SDK1: variants seen among roughly 807,000 people sequenced by gnomAD.
SDK1 encodes the protein sidekick cell adhesion molecule 1.
In SDK1, 157 loss-of-function variants were observed where a neutral mutation model predicts 245.5. That is an observed-to-expected ratio of 0.64 (90% CI 0.56 to 0.73). The LOEUF is 0.73. SDK1 is among the 30% of genes least tolerant of loss of function. The pLI is 0.00. For missense variants in SDK1, 3,583 were observed against 3,002.3 expected (o/e 1.19, Z -4.52); for synonymous variants, 1,647 against 1,278.5 (o/e 1.29, Z -6.15).
chr7:3,385,761 G>A (rs749288216), intron 1 of SDK1, among the ~76,000 whole-genome samples: 14 of 152,130 alleles, frequency 9.2e-5, no homozygotes, highest in Non-Finnish European at 1.8e-4. Flanking sequence ...AGGTGAGATG[G>A]AGATCATATT....
chr7:3,850,632 A>G (rs1350590422), intron 5 of SDK1, among the ~76,000 whole-genome samples: 1 of 152,238 alleles, frequency 6.6e-6, no homozygotes, highest in Non-Finnish European at 1.5e-5. Context: ...GATAGACTGC[A>G]TTAAGAAAAT....
intron 16 of SDK1, 36 bp from the exon 17 acceptor site, chr7:4,017,135 A>T (rs1458046507): frequency 1.3e-6 from 2 of 1,569,570 alleles, no homozygotes; most frequent in Admixed American, 1.8e-5. Flanking sequence ...GGGTCCAGTT[A>T]TTTCCTTATC....
intron 30 of SDK1, among the ~76,000 whole-genome samples, chr7:4,149,878 G>A (rs1176189711): frequency 2.0e-5 from 3 of 152,150 alleles, no homozygotes; most frequent in Non-Finnish European, 2.9e-5. Context: ...GTCCCCTTGC[G>A]TTCTCGAAAG....
At chr7:3,347,621 C>T (rs534179990) in intron 1 of SDK1, among the ~76,000 whole-genome samples, 1 of 152,278 alleles carries the variant, frequency 6.6e-6, no homozygotes, top group East Asian at 1.9e-4. Context: ...CAATATTTCC[C>T]TGTGGCATGG....
At chr7:4,092,873 A>G (rs1270911520) in intron 22 of SDK1, among the ~76,000 whole-genome samples, 11 of 152,148 alleles carry the variant, frequency 7.2e-5, no homozygotes, top group African/African-American at 1.9e-4. Context: ...GGCAGGGACG[A>G]AAGCTCCCAC....
intron 13 of SDK1, chr7:3,974,765 G>A (rs919172044): frequency 2.0e-6 from 1 of 490,884 alleles, no homozygotes; most frequent in Non-Finnish European, 3.6e-6. Context: ...TGTAGATGGT[G>A]TGATCATTGG....
intron 20 of SDK1, among the ~76,000 whole-genome samples, chr7:4,072,609 G>C (rs1780323321): frequency 6.6e-6 from 1 of 152,228 alleles, no homozygotes; most frequent in Non-Finnish European, 1.5e-5. Flanking sequence ...TCATTGAGAA[G>C]AGCAAAAGAA....
chr7:3,442,388 A>G (rs895085633), intron 1 of SDK1, among the ~76,000 whole-genome samples: 2 of 152,230 alleles, frequency 1.3e-5, no homozygotes, highest in African/African-American at 4.8e-5. Flanking sequence ...AGTTACATAA[A>G]GACCACAAAT....
chr7:3,922,706 A>C (rs1337861828), intron 5 of SDK1, among the ~76,000 whole-genome samples: 1 of 152,170 alleles, frequency 6.6e-6, no homozygotes, highest in Non-Finnish European at 1.5e-5. Flanking sequence ...TTGCTTACAA[A>C]GCGTGCACGT....
At chr7:3,653,447 G>T (rs954271346) in intron 4 of SDK1, among the ~76,000 whole-genome samples, 7 of 152,072 alleles carry the variant, frequency 4.6e-5, no homozygotes, top group African/African-American at 1.4e-4. Context: ...TGCATGGAGG[G>T]GCAGATCAGT....
At chr7:4,033,781 A>G (rs1788014801) in intron 17 of SDK1, among the ~76,000 whole-genome samples, 1 of 152,214 alleles carries the variant, frequency 6.6e-6, no homozygotes, top group Non-Finnish European at 1.5e-5. Flanking sequence ...TAAAAATGCA[A>G]AAGTCTGACA....
rs12333365 is a variant in SDK1 at position 3,776,067 on chromosome 7, C to T, written c.714-45383C>T. Among the ~76,000 whole-genome samples, 855 of 152,314 alleles carry T rather than the reference C, an allele frequency of 5.6e-3. 9 individuals carry two copies. Among genetic ancestry groups the T allele is most frequent in the African/African-American group, 0.02 (818 of 41,572 alleles). On this transcript the variant is annotated intron_variant, in intron 4 of 44. Coordinates refer to ENST00000404826, the MANE Select transcript of SDK1 (RefSeq NM_152744.4). Reference sequence around the variant, plus strand: ...AGGATTCTTCATTCATCACCTACCACGCATCAAAGTGCCAGACACTGGAGT... The same window carrying T: ...AGGATTCTTCATTCATCACCTACCATGCATCAAAGTGCCAGACACTGGAGT...
At chr7:3,509,086 G>A (rs556394365) in intron 1 of SDK1, among the ~76,000 whole-genome samples, 4 of 76,820 alleles carry the variant, frequency 5.2e-5, no homozygotes, top group African/African-American at 1.7e-4. Context: ...GTGTGTGTGC[G>A]TGTGTGTGTG....
At chr7:3,831,237 T>G (rs1779905361) in intron 5 of SDK1, among the ~76,000 whole-genome samples, 1 of 152,226 alleles carries the variant, frequency 6.6e-6, no homozygotes, top group African/African-American at 2.4e-5. Context: ...AATGTACTTT[T>G]CTTAGAAAAA....
At chr7:3,485,897 A>G (rs1163223282) in intron 1 of SDK1, among the ~76,000 whole-genome samples, 4 of 151,814 alleles carry the variant, frequency 2.6e-5, no homozygotes, top group Non-Finnish European at 4.4e-5. Flanking sequence ...GACAGTTTAT[A>G]TAATATTGGT....
chr7:3,798,546 C>T (rs924722994), intron 4 of SDK1, among the ~76,000 whole-genome samples: 2 of 152,072 alleles, frequency 1.3e-5, no homozygotes, highest in African/African-American at 2.4e-5. Flanking sequence ...AGTGCTGACC[C>T]GTTGCTTTTT....
At chr7:3,425,794 G>A (rs958828386) in intron 1 of SDK1, among the ~76,000 whole-genome samples, 5 of 152,192 alleles carry the variant, frequency 3.3e-5, no homozygotes, top group African/African-American at 7.2e-5. Flanking sequence ...GGAAAAGTAT[G>A]TGTAAAAAGC....
chr7:3,323,620 C>G (rs769241428), intron 1 of SDK1, among the ~76,000 whole-genome samples: 3 of 152,206 alleles, frequency 2.0e-5, no homozygotes, highest in Non-Finnish European at 4.4e-5. Flanking sequence ...ACTCCATCTT[C>G]AAACCAGCAA....
chr7:3,434,531 C>A (rs1251664449), intron 1 of SDK1, among the ~76,000 whole-genome samples: 3 of 152,134 alleles, frequency 2.0e-5, no homozygotes, highest in African/African-American at 7.2e-5. Context: ...TCATTTTAAT[C>A]CTCACAGCTC....
Sources: allele counts gnomAD v4.1 joint callset (sites outside exome capture counted in the v4.1 genomes callset), GRCh38; gene constraint gnomAD v4.1.1; transcripts MANE v1.5; gene names NCBI Gene and HGNC (gene_info 2026-07-23, HGNC 2026-07-21).